Variants in BCL11A observed in about 807,000 individuals in gnomAD.
The protein encoded by BCL11A is BCL11 transcription factor A.
In BCL11A, 2 loss-of-function variants were observed where a neutral mutation model predicts 55.9. The ratio of observed to expected loss-of-function variants is 0.04; its 90% CI spans 0.01 to 0.11. BCL11A has a LOEUF of 0.11. BCL11A is among the 10% of genes least tolerant of loss of function. The pLI, the probability that BCL11A is intolerant of heterozygous loss-of-function variation, is 1.00. For missense variants in BCL11A, 817 were observed against 1,137.1 expected, an observed-to-expected ratio of 0.72 and a Z score of 4.05; for synonymous variants, 465 against 473.4, an observed-to-expected ratio of 0.98 and a Z score of 0.23.
At chr2:60,507,207 A>AAAGGAAGGAAGG (rs745626068) in intron 2 of BCL11A, among the ~76,000 whole-genome samples, 7 of 89,526 alleles carry the variant, frequency 7.8e-5, no homozygotes, top group Non-Finnish European at 1.0e-4. Flanking sequence ...GACAAGGAAG[A>AAAGGAAGGAAGG]AAGGAAGGAA....
chr2:60,530,082 G>A (rs1205680500), intron 2 of BCL11A, among the ~76,000 whole-genome samples: 1 of 152,042 alleles, frequency 6.6e-6, no homozygotes, highest in Non-Finnish European at 1.5e-5. Context: ...AATGCATAAT[G>A]TCACAATAAA....
At chr2:60,494,725 G>A (rs1253631441) in intron 2 of BCL11A, among the ~76,000 whole-genome samples, 1 of 152,188 alleles carries the variant, frequency 6.6e-6, no homozygotes. Flanking sequence ...AATAAAATGA[G>A]TGCGTATTTG....
Position 60,462,238 on chromosome 2 carries a change from G to C in BCL11A, c.674C>G (p.Pro225Arg), listed in dbSNP as rs750571600. ...TGCAATATGAATCCCATGGAGAGGT[G>C]GCTGGGAAGGACATTCTGCACCTAG... The part of the protein sequence containing the change: ...SGLGAECPSQ[P>R]PLHGIHIADN... Residue 225 changes from proline (P) to arginine (R), a missense_variant, in exon 4 of 4, where the codon CCA becomes CGA. By Grantham distance (103) the Pro-to-Arg change is moderately radical (BLOSUM62 -2). Coordinates refer to ENST00000642384, the MANE Select transcript of BCL11A (RefSeq NM_022893.4). 6.2e-7 allele frequency: 1 copy of C among 1,613,762 alleles called. No individual in the cohort carries two copies.
downstream of BCL11A, among the ~76,000 whole-genome samples, chr2:60,456,391 G>T (rs915526104): frequency 6.6e-6 from 1 of 152,212 alleles, no homozygotes; most frequent in Non-Finnish European, 1.5e-5. Context: ...AGACCTAACT[G>T]GCTGGTCAGA....
chr2:60,509,354 C>A (rs1267693466), intron 2 of BCL11A, among the ~76,000 whole-genome samples: 1 of 152,178 alleles, frequency 6.6e-6, no homozygotes, highest in Non-Finnish European at 1.5e-5. Context: ...GAAAAGAGGA[C>A]AACGGATTTC....
At chr2:60,481,184 A>G (rs1356268219) in intron 2 of BCL11A, among the ~76,000 whole-genome samples, 1 of 152,124 alleles carries the variant, frequency 6.6e-6, no homozygotes, top group African/African-American at 2.4e-5. Context: ...GAGGCTTCCC[A>G]GCCCCAAAAC....
intron 2 of BCL11A, among the ~76,000 whole-genome samples, chr2:60,502,040 A>G (rs1469616138): frequency 1.3e-5 from 2 of 152,216 alleles, no homozygotes; most frequent in Non-Finnish European, 2.9e-5. Context: ...AGCTTCAGGG[A>G]GGAAAGGCCA....
downstream of BCL11A, chr2:60,452,805 C>G: frequency 1.5e-6 from 1 of 651,054 alleles, no homozygotes; most frequent in Non-Finnish European, 2.6e-6. Flanking sequence ...GCATCTTAAG[C>G]ATGATTTCAA....
At chr2:60,533,850 T>G (rs1014449525) in intron 2 of BCL11A, 1 of 152,170 alleles carries the variant, frequency 6.6e-6, no homozygotes, top group South Asian at 2.1e-4. Context: ...ATTAACAACT[T>G]TAAACTGAAG....
intron 2 of BCL11A, chr2:60,537,603 A>AT (rs1669729372): frequency 6.6e-6 from 1 of 152,266 alleles, no homozygotes; most frequent in Non-Finnish European, 1.5e-5. Context: ...GACTTGGCAC[A>AT]TAGTGCTTTG....
chr2:60,482,235 TA>T (rs550096327), intron 2 of BCL11A, among the ~76,000 whole-genome samples: 135 of 146,922 alleles, frequency 9.2e-4, no homozygotes, highest in African/African-American at 2.3e-3. Flanking sequence ...CTTCCTCCAT[TA>T]AAAAAAAAAA....
chr2:60,483,103 A>G (rs1678053372), intron 2 of BCL11A, among the ~76,000 whole-genome samples: 1 of 152,224 alleles, frequency 6.6e-6, no homozygotes, highest in Non-Finnish European at 1.5e-5. Flanking sequence ...TGTGATTTAT[A>G]TTATTTCCCA....
At chr2:60,517,103 G>A in intron 2 of BCL11A, among the ~76,000 whole-genome samples, 1 of 152,174 alleles carries the variant, frequency 6.6e-6, no homozygotes, top group South Asian at 2.1e-4. Context: ...GAAGCATAAG[G>A]GATCGAAGGT....
chr2:60,476,728 C>T (rs927262181), intron 2 of BCL11A, among the ~76,000 whole-genome samples: 4 of 152,208 alleles, frequency 2.6e-5, no homozygotes, highest in Non-Finnish European at 5.9e-5. Flanking sequence ...TTCCCCCAAC[C>T]CCCAATATCC....
chr2:60,542,130 C>A, intron 2 of BCL11A: 1 of 403,086 alleles, frequency 2.5e-6, no homozygotes, highest in East Asian at 3.9e-5. Flanking sequence ...TTTTAAATAC[C>A]CTGATATAAA....
chr2:60,529,702 T>C (rs906209791), intron 2 of BCL11A, among the ~76,000 whole-genome samples: 2 of 152,160 alleles, frequency 1.3e-5, no homozygotes, highest in African/African-American at 4.8e-5. Context: ...GAGAAGGAAA[T>C]CCTGCCTCCC....
intron 2 of BCL11A, chr2:60,538,516 G>C (rs1415650246): frequency 1.3e-5 from 2 of 152,166 alleles, no homozygotes; most frequent in South Asian, 4.1e-4. Flanking sequence ...ACGTTTTGTG[G>C]ATCTACCACA....
In BCL11A at chr2:60,546,383, T is replaced by C; in HGVS notation, c.56-83A>G. 9 of 1,110,344 alleles carry C rather than the reference T, an allele frequency of 8.1e-6. No homozygotes were observed. The highest frequency in any genetic ancestry group is 1.2e-5 in the Non-Finnish European group (9 of 764,738). 68.8% of individuals were successfully genotyped at this position (1,110,344 alleles called of 1,614,324 possible). A position where few individuals can be genotyped will look rare whatever the true frequency, so the allele number is the denominator to read the frequency against. On this transcript the variant is annotated intron_variant, in intron 1 of 3. Coordinates refer to ENST00000642384, the MANE Select transcript of BCL11A (RefSeq NM_022893.4). This position sits in a 1 kb window ranked among gnomAD's most constrained non-coding sequence, Gnocchi z 4.1. ...AGAAGCACATCTCAACCCCATGCCA[T>C]CCCACCACATCATGTAAAGTGTTTC...
chr2:60,455,231 C>T (rs1675887268), downstream of BCL11A, among the ~76,000 whole-genome samples: 1 of 152,022 alleles, frequency 6.6e-6, no homozygotes, highest in South Asian at 2.1e-4. Flanking sequence ...GCACGTCAAG[C>T]CTGTTACAAA....
Sources: allele counts gnomAD v4.1 joint callset (sites outside exome capture counted in the v4.1 genomes callset), GRCh38; gene constraint gnomAD v4.1.1; non-coding constraint Gnocchi (gnomAD v3.1); transcripts MANE v1.5; gene names NCBI Gene and HGNC (gene_info 2026-07-23, HGNC 2026-07-21).